Variants in ASCC3 observed in about 807,000 individuals in gnomAD.
The protein encoded by ASCC3 is ASC-1 complex subunit P200.
Under a neutral mutation model 256.3 loss-of-function variants are expected in ASCC3, and 158 were observed. That is an observed-to-expected ratio of 0.62 (90% CI 0.54 to 0.70). The LOEUF is 0.70. Ranked by LOEUF, ASCC3 falls within the 30% of genes least tolerant of loss-of-function variation. The probability of loss-of-function intolerance (pLI) is 0.00; values close to 1 mark genes in which losing one functional copy is unlikely to be tolerated. For synonymous variants in ASCC3, 948 were observed against 883.4 expected (o/e 1.07, Z -1.30); for missense variants, 2,259 against 2,626.0 (o/e 0.86, Z 3.05).
chr6:100,822,531 G>A (rs1209375884), intron 4 of ASCC3, among the ~76,000 whole-genome samples: 4 of 104,124 alleles, frequency 3.8e-5, no homozygotes, highest in Admixed American at 2.1e-4. Flanking sequence ...GCAAGACTCC[G>A]TCTCCAAAAA....
chr6:100,796,510 T>C (rs907696657), intron 8 of ASCC3, among the ~76,000 whole-genome samples: 4 of 152,102 alleles, frequency 2.6e-5, no homozygotes, highest in Non-Finnish European at 5.9e-5. Context: ...GGGAGGTAAT[T>C]ACGGTTAAAT....
At chr6:100,812,955 T>C (rs201834303) in intron 4 of ASCC3, among the ~76,000 whole-genome samples, 1 of 122,272 alleles carries the variant, frequency 8.2e-6, no homozygotes, top group African/African-American at 2.7e-5. Context: ...GATGGATGGA[T>C]GGACAGACAG....
At chr6:100,712,748 ACTCTT>A (rs909229683) in intron 13 of ASCC3, among the ~76,000 whole-genome samples, 1 of 116,902 alleles carries the variant, frequency 8.6e-6, no homozygotes, top group Non-Finnish European at 1.7e-5. Flanking sequence ...TAGCAATTAT[ACTCTT>A]TTTTTTTTTT....
At chr6:100,857,867 C>T (rs1318152773) in intron 3 of ASCC3, 1 of 110,256 alleles carries the variant, frequency 9.1e-6, no homozygotes, top group Non-Finnish European at 1.9e-5. Flanking sequence ...TTTCCACACA[C>T]ACACATGCAC....
chr6:100,783,102 T>A (rs1782522885), intron 8 of ASCC3, among the ~76,000 whole-genome samples: 1 of 152,084 alleles, frequency 6.6e-6, no homozygotes, highest in African/African-American at 2.4e-5. Flanking sequence ...TGAGCTCTCA[T>A]GTATTATATA....
In ASCC3 at chr6:100,642,732, G is replaced by C. The variant is rs34025918; in HGVS notation, c.3750C>G (p.Ala1250=). 1 of 1,613,254 alleles carries C rather than the reference G, an allele frequency of 6.2e-7. No homozygotes were observed. Among genetic ancestry groups the C allele is most frequent in the Non-Finnish European group, 8.5e-7 (1 of 1,179,434 alleles). ...ALKKQVISKE[A]QLLVFTIPIF... The stretch of plus-strand genomic sequence containing the variant: ...TAGGGATTGTAAATACCAGTAGTTG[G>C]GCTTCTTTACTAATGACCTAATATG... The change falls in exon 24 of 42, where the codon GCC becomes GCG. Residue 1250 remains alanine (A), a synonymous_variant. Transcript: ENST00000369162.
chr6:100,580,579 T>A (rs1771168546), intron 36 of ASCC3, among the ~76,000 whole-genome samples: 1 of 150,602 alleles, frequency 6.6e-6, no homozygotes, highest in African/African-American at 2.4e-5. Context: ...AAAAATCTTT[T>A]ATTATTATTA....
chr6:100,798,605 A>C, intron 8 of ASCC3, 108 bp downstream of exon 8: 1 of 1,534,266 alleles, frequency 6.5e-7, no homozygotes. Flanking sequence ...ATATGTCTGT[A>C]CTGTATTTGC....
intron 30 of ASCC3, among the ~76,000 whole-genome samples, chr6:100,611,590 G>A (rs1332050967): frequency 6.6e-6 from 1 of 151,892 alleles, no homozygotes; most frequent in Admixed American, 6.6e-5. Flanking sequence ...TTTATATAAA[G>A]TAATATAGTC....
intron 10 of ASCC3, among the ~76,000 whole-genome samples, chr6:100,747,483 T>C (rs148244804): frequency 1.3e-5 from 2 of 152,204 alleles, no homozygotes; most frequent in African/African-American, 2.4e-5. Context: ...AAGCAAGCCA[T>C]ATGTCTGTGA....
chr6:100,647,665 C>A (rs1775450258), intron 20 of ASCC3, among the ~76,000 whole-genome samples: 1 of 152,078 alleles, frequency 6.6e-6, no homozygotes, highest in African/African-American at 2.4e-5. Flanking sequence ...CTTGCTTACT[C>A]TCAGAGGGGA....
chr6:100,589,910 C>A (rs1771913045), intron 35 of ASCC3, 38 bp downstream of exon 35: 1 of 1,595,932 alleles, frequency 6.3e-7, no homozygotes, highest in Non-Finnish European at 8.6e-7. Context: ...AAAAGCTGGG[C>A]AATCTTTTCA....
At chr6:100,701,357 G>T (rs966876890) in intron 13 of ASCC3, among the ~76,000 whole-genome samples, 4 of 152,078 alleles carry the variant, frequency 2.6e-5, no homozygotes, top group African/African-American at 9.7e-5. Context: ...CCCTGCACAA[G>T]CTCTCTCTCT....
intron 14 of ASCC3, among the ~76,000 whole-genome samples, chr6:100,665,552 G>A (rs117601578): frequency 0.03 from 4,559 of 151,460 alleles, 76 homozygotes; most frequent in African/African-American, 0.055. Context: ...GTGAAACTCC[G>A]TCTCTACTAA....
chr6:100,542,096 C>T (rs1301727126), intron 36 of ASCC3, among the ~76,000 whole-genome samples: 1 of 151,968 alleles, frequency 6.6e-6, no homozygotes, highest in African/African-American at 2.4e-5. Context: ...GAAGGAAGGG[C>T]AGAAAAAAGT....
intron 10 of ASCC3, among the ~76,000 whole-genome samples, chr6:100,760,542 A>G (rs1308261394): frequency 6.6e-6 from 1 of 152,142 alleles, no homozygotes; most frequent in Non-Finnish European, 1.5e-5. Context: ...AAGACTTTTA[A>G]AGTAATTATC....
chr6:100,665,370 T>A (rs1776412040), intron 14 of ASCC3, among the ~76,000 whole-genome samples: 1 of 152,074 alleles, frequency 6.6e-6, no homozygotes. Flanking sequence ...GGTTTTTTAT[T>A]CTTAACTATC....
In ASCC3 at chr6:100,650,773, T is replaced by A. The variant is rs41288405; in HGVS notation, c.3076-59A>T. The A allele has an allele frequency of 2.2e-6, 3 of 1,354,374 alleles. No individual in the cohort carries two copies. The African/African-American group carries it at 4.3e-5, about 20-fold the overall frequency. The allele number at this position is 1,354,374 out of a possible 1,614,324, so 83.9% of individuals were successfully genotyped here. A position where few individuals can be genotyped will look rare whatever the true frequency, so the allele number is the denominator to read the frequency against. On this transcript the variant is annotated intron_variant, in intron 19 of 41. Transcript: ENST00000369162. ...GGCTGATTTATTTAAATTTTTCACA[T>A]TGAAATTAAATACATTGCATGTTTT...
At chr6:100,591,144 T>C (rs561972641) in intron 34 of ASCC3, among the ~76,000 whole-genome samples, 12 of 152,196 alleles carry the variant, frequency 7.9e-5, no homozygotes, top group South Asian at 6.2e-4. Context: ...GATAAATAAG[T>C]ACTGAACCTA....
Sources: allele counts gnomAD v4.1 joint callset (sites outside exome capture counted in the v4.1 genomes callset), GRCh38; gene constraint gnomAD v4.1.1; transcripts MANE v1.5; gene names NCBI Gene and HGNC (gene_info 2026-07-23, HGNC 2026-07-21).